HIVEP1: variants seen among roughly 807,000 people sequenced by gnomAD.
HIVEP1 encodes the protein zinc finger protein 40.
HIVEP1 carries 36 observed loss-of-function variants against 180.0 expected under a neutral mutation model. The observed-to-expected ratio is 0.20, with a 90% CI of 0.15 to 0.26. The LOEUF (loss-of-function observed/expected upper bound fraction) is 0.26, where lower values mean the gene tolerates loss of function less well. Ranked by LOEUF, HIVEP1 falls within the 10% of genes least tolerant of loss-of-function variation. HIVEP1 has a pLI of 1.00. For synonymous variants in HIVEP1, 1,239 were observed against 1,239.0 expected (o/e 1.00, Z 0.00); for missense variants, 3,143 against 3,268.7 (o/e 0.96, Z 0.94).
At chr6:12,149,417 T>A (rs944105352) in intron 7 of HIVEP1, among the ~76,000 whole-genome samples, 4 of 152,212 alleles carry the variant, frequency 2.6e-5, no homozygotes, top group Admixed American at 6.5e-5. Flanking sequence ...TGATCTTTTC[T>A]GTAGCATAAA....
At chr6:12,017,638 A>T (rs1413987274) in intron 2 of HIVEP1, among the ~76,000 whole-genome samples, 2 of 139,714 alleles carry the variant, frequency 1.4e-5, no homozygotes, top group African/African-American at 2.6e-5. Context: ...TGTTTTACAG[A>T]GAGCTGATTG....
intron 7 of HIVEP1, among the ~76,000 whole-genome samples, chr6:12,139,478 G>T (rs1758884820): frequency 6.6e-6 from 1 of 152,210 alleles, no homozygotes; most frequent in African/African-American, 2.4e-5. Context: ...ATCTCATTGG[G>T]ACTGGTTGGA....
the HIVEP1 span, among the ~76,000 whole-genome samples, chr6:12,194,746 G>A: frequency 6.6e-6 from 1 of 152,192 alleles, no homozygotes; most frequent in Admixed American, 6.5e-5. Context: ...AGGTTGCAGT[G>A]AGCAGAGATC....
chr6:12,146,734 A>G, intron 7 of HIVEP1, among the ~76,000 whole-genome samples: 1 of 152,046 alleles, frequency 6.6e-6, no homozygotes, highest in South Asian at 2.1e-4. Flanking sequence ...TCTGTTTTTT[A>G]ATAGCTCCAG....
At chr6:12,206,044 A>G in the HIVEP1 span, among the ~76,000 whole-genome samples, 1 of 152,230 alleles carries the variant, frequency 6.6e-6, no homozygotes, top group African/African-American at 2.4e-5. Context: ...GGAGACAGGG[A>G]AATGTAATCA....
chr6:12,168,748 C>T (rs546630466), downstream of HIVEP1, among the ~76,000 whole-genome samples: 79 of 151,946 alleles, frequency 5.2e-4, no homozygotes, highest in African/African-American at 1.5e-3. Flanking sequence ...ATACATTATA[C>T]GAGATATTCT....
intron 2 of HIVEP1, among the ~76,000 whole-genome samples, chr6:12,053,427 A>G (rs1770662504): frequency 6.6e-6 from 1 of 152,214 alleles, no homozygotes; most frequent in South Asian, 2.1e-4. Flanking sequence ...GAAATGTATT[A>G]TAAGCCATGG....
the HIVEP1 span, among the ~76,000 whole-genome samples, chr6:12,180,271 C>G: frequency 6.6e-6 from 1 of 152,140 alleles, no homozygotes. Context: ...CATGCATATT[C>G]TTTTCTAACT....
chr6:12,161,217 C>T (rs1449818089), intron 7 of HIVEP1, among the ~76,000 whole-genome samples: 1 of 152,188 alleles, frequency 6.6e-6, no homozygotes, highest in Non-Finnish European at 1.5e-5. Flanking sequence ...TTCCTCGTCC[C>T]TGACCCCGGC....
At chr6:12,030,098 T>G (rs1004626119) in intron 2 of HIVEP1, among the ~76,000 whole-genome samples, 1 of 152,198 alleles carries the variant, frequency 6.6e-6, no homozygotes, top group Non-Finnish European at 1.5e-5. Flanking sequence ...GTTGTTTTTC[T>G]TTCTGAACTC....
intron 7 of HIVEP1, among the ~76,000 whole-genome samples, chr6:12,137,013 G>A (rs1758742339): frequency 6.6e-6 from 1 of 152,128 alleles, no homozygotes; most frequent in Admixed American, 6.6e-5. Context: ...AAGTGATGAG[G>A]ACATCATTGA....
At chr6:12,079,932 GCAT>G (rs1005998330) in intron 2 of HIVEP1, among the ~76,000 whole-genome samples, 1 of 119,434 alleles carries the variant, frequency 8.4e-6, no homozygotes, top group Non-Finnish European at 1.8e-5. Flanking sequence ...ATTCCTGATG[GCAT>G]CTATCTATCT....
intron 2 of HIVEP1, among the ~76,000 whole-genome samples, chr6:12,081,308 C>T (rs1176329835): frequency 1.3e-5 from 2 of 152,190 alleles, no homozygotes; most frequent in Non-Finnish European, 2.9e-5. Context: ...TTTGTCCTCA[C>T]ACTTGGTTGG....
At position 12,163,509 on chromosome 6, in the gene HIVEP1, G is replaced by A; in HGVS notation, c.7205G>A (p.Gly2402Glu). ...SRTPYNMVPV[G>E]GIHVVPAGLT... ...ACACCTTATAATATGGTTCCAGTTG[G>A]GGGGATCCATGTGGTACCTGCTGGC... The change falls in exon 9 of 9, where the codon GGG (glycine) becomes GAG (glutamate). Residue 2402 changes from glycine to glutamate, a missense_variant. Around this residue, in one of 12 missense-constraint regions of HIVEP1, gnomAD observed 595 missense variants for 602.2 expected, o/e 0.99. Coordinates refer to ENST00000379388, the MANE Select transcript of HIVEP1 (RefSeq NM_002114.4). 6.2e-7 allele frequency: 1 copy of A among 1,614,096 alleles called. No individual in the cohort carries two copies. The highest frequency in any genetic ancestry group is 8.5e-7 in the Non-Finnish European group (1 of 1,180,008).
the HIVEP1 span, among the ~76,000 whole-genome samples, chr6:12,206,911 G>T: frequency 6.6e-6 from 1 of 152,224 alleles, no homozygotes; most frequent in South Asian, 2.1e-4. Context: ...AAGGGTGATT[G>T]CGAGTAGGAG....
At chr6:12,129,916 A>C in intron 5 of HIVEP1, 24 bp downstream of exon 5, 1 of 1,477,080 alleles carries the variant, frequency 6.8e-7, no homozygotes, top group South Asian at 1.2e-5. Flanking sequence ...TTACTTCTTA[A>C]ATGTACATTT....
chr6:12,017,264 A>G (rs570628068), intron 2 of HIVEP1, among the ~76,000 whole-genome samples: 7 of 152,202 alleles, frequency 4.6e-5, no homozygotes, highest in African/African-American at 1.7e-4. Context: ...ACTGACTTCA[A>G]GAATGAAGCC....
chr6:12,121,858 C>A lies in HIVEP1; in HGVS notation c.2063C>A (p.Pro688Gln), dbSNP rs183577771. The A allele has an allele frequency of 1.9e-6, 3 of 1,614,126 alleles. No homozygotes were observed. The highest frequency in any genetic ancestry group is 3.3e-5 in the Admixed American group (2 of 60,018). Reference protein sequence around the residue: ...RSESADQTVSPPTPFARRLPS... With the variant: ...RSESADQTVSQPTPFARRLPS... ...GAAAGTGCCGATCAAACAGTGAGTC[C>A]ACCAACTCCCTTTGCCAGAAGGTTA... The change falls in exon 4 of 9, where the codon CCA becomes CAA. Residue 688 changes from proline (P) to glutamine (Q), a missense_variant. Pro to Gln is a moderately conservative substitution (Grantham distance 76). Transcript: ENST00000379388. This position sits in a 1 kb window ranked among gnomAD's most constrained non-coding sequence, Gnocchi z 5.3.
At chr6:12,045,178 C>T (rs1282635415) in intron 2 of HIVEP1, among the ~76,000 whole-genome samples, 1 of 152,154 alleles carries the variant, frequency 6.6e-6, no homozygotes, top group Non-Finnish European at 1.5e-5. Flanking sequence ...TATTCATATG[C>T]TTGATCAGAA....
Sources: allele counts gnomAD v4.1 joint callset (sites outside exome capture counted in the v4.1 genomes callset), GRCh38; gene constraint gnomAD v4.1.1; regional missense constraint gnomAD v4.1.1; non-coding constraint Gnocchi (gnomAD v3.1); transcripts MANE v1.5; gene names NCBI Gene and HGNC (gene_info 2026-07-23, HGNC 2026-07-21).